Variants in CD96 observed in about 807,000 individuals in gnomAD.
CD96 encodes the protein T-cell surface protein tactile.
In CD96, 70 loss-of-function variants were observed where a neutral mutation model predicts 71.3. The ratio of observed to expected loss-of-function variants is 0.98; its 90% CI spans 0.81 to 1.20. The LOEUF is 1.20. CD96 is among the 50% of genes most tolerant of loss of function. The pLI is 0.00. For synonymous variants in CD96, 248 were observed against 233.0 expected (o/e 1.06, Z -0.59); for missense variants, 742 against 677.5 (o/e 1.10, Z -1.06).
chr3:111,658,740 G>A (rs566122773), intron 14 of CD96, among the ~76,000 whole-genome samples: 1 of 152,192 alleles, frequency 6.6e-6, no homozygotes, highest in East Asian at 1.9e-4. Flanking sequence ...GGAGTATTAG[G>A]GCAGAGAATA....
intron 3 of CD96, chr3:111,571,076 C>A: frequency 1.1e-6 from 1 of 880,684 alleles, no homozygotes; most frequent in South Asian, 1.4e-5. Flanking sequence ...GGAGGTAGGT[C>A]AAGTGGAGAC....
At chr3:111,631,209 C>A (rs1169378565) in intron 10 of CD96, among the ~76,000 whole-genome samples, 5 of 152,166 alleles carry the variant, frequency 3.3e-5, no homozygotes, top group African/African-American at 9.7e-5. Flanking sequence ...GTTGAACTAT[C>A]TTTGTTTGCA....
chr3:111,659,560 T>C (rs1327040511), intron 14 of CD96, among the ~76,000 whole-genome samples: 1 of 152,182 alleles, frequency 6.6e-6, no homozygotes, highest in Admixed American at 6.5e-5. Context: ...GTAAACCTAT[T>C]TTCATTAGTT....
chr3:111,568,634 A>G (rs1935833258), intron 3 of CD96, among the ~76,000 whole-genome samples: 1 of 152,162 alleles, frequency 6.6e-6, no homozygotes, highest in Non-Finnish European at 1.5e-5. Context: ...TGCCTTTGTT[A>G]TTTTATCCTT....
rs115795429 is a variant in CD96 at position 111,597,651 on chromosome 3, G to A, written c.808-469G>A. Among the ~76,000 whole-genome samples, 1,117 of 152,238 alleles carry A rather than the reference G, an allele frequency of 7.3e-3. 21 individuals are homozygous for A. In the East Asian group the frequency reaches 0.074, roughly 10 times the overall value. On this transcript the variant is annotated intron_variant, in intron 5 of 13. Coordinates refer to ENST00000352690, the MANE Select transcript of CD96 (RefSeq NM_005816.5). ...AAAAAGTAGGATATTTATATAAATC[G>A]TTTTCTGTGATTGTTACAAATAGTG... is the stretch of plus-strand genomic sequence containing the variant.
intron 8 of CD96, among the ~76,000 whole-genome samples, chr3:111,623,097 C>T (rs1938588558): frequency 6.6e-6 from 1 of 152,174 alleles, no homozygotes; most frequent in African/African-American, 2.4e-5. Flanking sequence ...GAGAAATGCA[C>T]ACAAAATGTA....
At chr3:111,601,464 T>C (rs751870664) in intron 7 of CD96, among the ~76,000 whole-genome samples, 1 of 152,184 alleles carries the variant, frequency 6.6e-6, no homozygotes, top group Non-Finnish European at 1.5e-5. Context: ...AATTGATATA[T>C]AGGATTACTC....
intron 5 of CD96, among the ~76,000 whole-genome samples, chr3:111,591,793 G>A (rs1049233026): frequency 6.6e-5 from 10 of 152,146 alleles, no homozygotes; most frequent in South Asian, 2.1e-4. Flanking sequence ...AGAACATGAC[G>A]GGACTTCAGT....
intron 5 of CD96, among the ~76,000 whole-genome samples, chr3:111,586,230 C>A (rs974305440): frequency 1.3e-5 from 2 of 152,108 alleles, no homozygotes; most frequent in Non-Finnish European, 2.9e-5. Context: ...CTTTTAAAAA[C>A]CCTAAGTAAA....
In CD96 at chr3:111,579,076, G is replaced by A. The variant is rs1481123204; in HGVS notation, c.593G>A (p.Ser198Asn). Residue 198 changes from serine to asparagine, a missense_variant, in exon 4 of 14, where the codon AGC (serine) becomes AAC (asparagine). Physicochemically the swap from Ser to Asn is conservative, Grantham distance 46. Coordinates refer to ENST00000352690, the MANE Select transcript of CD96 (RefSeq NM_005816.5). ...ETLISQNHLISNSTLLKDRVK... is the reference protein window; with the variant it reads ...ETLISQNHLINNSTLLKDRVK... ...CTTATCTCCCAAAATCACCTCATCA[G>A]CAATTCCACATTACTTAAAGATAGA... 2 of 1,609,568 alleles carry A rather than the reference G, an allele frequency of 1.2e-6. No homozygotes were observed. The highest frequency in any genetic ancestry group is 4.5e-5 in the East Asian group (2 of 44,860).
At chr3:111,620,127 C>T (rs985677048) in intron 8 of CD96, among the ~76,000 whole-genome samples, 4 of 150,728 alleles carry the variant, frequency 2.7e-5, no homozygotes, top group Non-Finnish European at 6.0e-5. Context: ...CCTCCCTCCG[C>T]TGGCCACAAT....
chr3:111,564,251 T>C (rs1041999993), intron 2 of CD96, among the ~76,000 whole-genome samples: 10 of 152,110 alleles, frequency 6.6e-5, no homozygotes, highest in African/African-American at 2.2e-4. Flanking sequence ...CTTTTTTCTT[T>C]AATGTCTTTT....
chr3:111,626,166 T>A (rs1486594345), intron 10 of CD96, among the ~76,000 whole-genome samples: 1 of 151,802 alleles, frequency 6.6e-6, no homozygotes, highest in African/African-American at 2.4e-5. Flanking sequence ...CCAGGCGTGG[T>A]GGTGGGCACC....
At position 111,604,257 on chromosome 3, in the gene CD96, C is replaced by T. The variant is rs148649855; in HGVS notation, c.1088-2443C>T. ...TTCTGAGAGCCCTGCCAAGCCTACT[C>T]AAATGGACACACCCAGGAACAGATG... On this transcript the variant is annotated intron_variant, in intron 7 of 13. Transcript: ENST00000352690. Among the ~76,000 whole-genome samples the T allele has an allele frequency of 3.2e-3, 481 of 152,250 alleles. 2 individuals carry two copies. Among genetic ancestry groups the T allele is most frequent in the African/African-American group, 0.011 (462 of 41,548 alleles).
chr3:111,622,973 G>A (rs1158834789), intron 8 of CD96, among the ~76,000 whole-genome samples: 1 of 152,124 alleles, frequency 6.6e-6, no homozygotes, highest in Non-Finnish European at 1.5e-5. Flanking sequence ...GGTTTCAACA[G>A]GACTCAACAT....
At chr3:111,638,687 G>A (rs1006196635) in intron 12 of CD96, among the ~76,000 whole-genome samples, 11 of 152,168 alleles carry the variant, frequency 7.2e-5, no homozygotes, top group Admixed American at 7.2e-4. Flanking sequence ...GGTCATGATT[G>A]TAAGTTCACA....
chr3:111,622,731 C>G (rs1285098297), intron 8 of CD96, among the ~76,000 whole-genome samples: 1 of 152,208 alleles, frequency 6.6e-6, no homozygotes, highest in East Asian at 1.9e-4. Flanking sequence ...ATACAGCATT[C>G]TTTTTATGAA....
At chr3:111,599,372 T>TA (rs906145756) in intron 6 of CD96, among the ~76,000 whole-genome samples, 3 of 151,984 alleles carry the variant, frequency 2.0e-5, no homozygotes, top group Non-Finnish European at 2.9e-5. Flanking sequence ...AGTTTATTTT[T>TA]AAAAAAAATT....
intron 6 of CD96, among the ~76,000 whole-genome samples, chr3:111,600,052 C>A (rs1937423509): frequency 1.3e-5 from 2 of 152,274 alleles, no homozygotes; most frequent in South Asian, 2.1e-4. Context: ...CTCACAGGAC[C>A]CAAAATGCAA....
Sources: gnomAD v4.1 joint callset for allele counts (sites outside exome capture counted in the v4.1 genomes callset) on GRCh38, gnomAD v4.1.1 for gene constraint, MANE v1.5 for transcripts, NCBI Gene and HGNC (gene_info 2026-07-23, HGNC 2026-07-21) for gene names.